Variants in ENTHD1 observed in about 807,000 individuals in gnomAD.
The protein encoded by ENTHD1 is ENTH domain containing 1.
In ENTHD1, 23 loss-of-function variants were observed where a neutral mutation model predicts 39.1. The ratio of observed to expected loss-of-function variants is 0.59; its 90% confidence interval spans 0.42 to 0.83. ENTHD1 has a LOEUF of 0.83. ENTHD1 is among the 40% of genes least tolerant of loss of function. The pLI is 0.00. For missense variants in ENTHD1, 624 were observed against 705.4 expected (o/e 0.88, Z 1.31); for synonymous variants, 230 against 258.2 (o/e 0.89, Z 1.05).
chr22:39,756,145 T>C (rs1325511503), intron 6 of ENTHD1, among the ~76,000 whole-genome samples: 1 of 152,204 alleles, frequency 6.6e-6, no homozygotes, highest in Non-Finnish European at 1.5e-5. Context: ...TAGGCAACTT[T>C]CAAATTGTGG....
intron 5 of ENTHD1, among the ~76,000 whole-genome samples, chr22:39,787,608 A>G (rs1400276284): frequency 6.6e-6 from 1 of 152,240 alleles, no homozygotes; most frequent in South Asian, 2.1e-4. Context: ...CAAATAGATC[A>G]AACCAGCCCC....
chr22:39,884,551 G>GA (rs200983153), intron 2 of ENTHD1, among the ~76,000 whole-genome samples: 9,241 of 132,754 alleles, frequency 0.07, 370 homozygotes, highest in South Asian at 0.15. Context: ...ACTCAGAATA[G>GA]AAAAAAAAAA....
At chr22:39,774,033 CAGAG>C (rs1208846386) in intron 5 of ENTHD1, among the ~76,000 whole-genome samples, 3 of 152,142 alleles carry the variant, frequency 2.0e-5, no homozygotes, top group African/African-American at 7.2e-5. Flanking sequence ...ACAGTGCACA[CAGAG>C]AGCAGAGGAG....
chr22:39,857,789 G>A (rs764567207), intron 3 of ENTHD1, among the ~76,000 whole-genome samples: 1 of 152,160 alleles, frequency 6.6e-6, no homozygotes, highest in Admixed American at 6.5e-5. Context: ...CTACTTAGTA[G>A]ACTAAGTATG....
At chr22:39,858,807 G>A (rs2066116549) in intron 3 of ENTHD1, among the ~76,000 whole-genome samples, 1 of 152,162 alleles carries the variant, frequency 6.6e-6, no homozygotes, top group African/African-American at 2.4e-5. Context: ...AATGGTAAAG[G>A]AGCAGTTGGC....
chr22:39,805,588 C>G (rs965643532), intron 5 of ENTHD1, among the ~76,000 whole-genome samples: 2 of 152,124 alleles, frequency 1.3e-5, no homozygotes, highest in African/African-American at 4.8e-5. Flanking sequence ...TAGCAGAAGT[C>G]AGTGTGAAGA....
chr22:39,834,532 C>T (rs559906606), intron 4 of ENTHD1, among the ~76,000 whole-genome samples: 1 of 152,208 alleles, frequency 6.6e-6, no homozygotes, highest in African/African-American at 2.4e-5. Flanking sequence ...ATGCATTGCT[C>T]ATGGGAATAT....
intron 5 of ENTHD1, among the ~76,000 whole-genome samples, chr22:39,815,527 A>C (rs2065726818): frequency 6.6e-6 from 1 of 152,160 alleles, no homozygotes; most frequent in South Asian, 2.1e-4. Context: ...AAAATTGGTG[A>C]GGACATGCAG....
rs778800311 is a variant in ENTHD1, at chr22:39,821,047, A to G, written c.778T>C (p.Ser260Pro). The G allele has an allele frequency of 1.2e-6, 2 of 1,613,996 alleles. No individual in the cohort carries two copies. The highest frequency in any genetic ancestry group is 1.7e-6 in the Non-Finnish European group (2 of 1,179,988). Residue 260 changes from serine to proline, a missense_variant, in exon 5 of 7, where the codon TCT (serine) becomes CCT (proline). Transcript: ENST00000325157. ...GCTTCTGACAAGCAAGTGATTGGAG[A>G]GACAATGGAAGGAGGTGTTGCTAGT... ...PLLATPPSIV[S>P]PITCLSEAEE...
intron 3 of ENTHD1, among the ~76,000 whole-genome samples, chr22:39,845,105 C>T (rs1372901898): frequency 6.6e-6 from 1 of 151,614 alleles, no homozygotes; most frequent in Admixed American, 6.6e-5. Context: ...CAGACTGCAG[C>T]CTGGTGGAGA....
chr22:39,746,203 C>T (rs549383573), intron 6 of ENTHD1, among the ~76,000 whole-genome samples: 2 of 152,200 alleles, frequency 1.3e-5, no homozygotes, highest in South Asian at 2.1e-4. Context: ...CCATTTTCCC[C>T]GCCTCCATCT....
chr22:39,781,946 CAA>C (rs1408266804), intron 5 of ENTHD1, among the ~76,000 whole-genome samples: 1 of 151,888 alleles, frequency 6.6e-6, no homozygotes, highest in Non-Finnish European at 1.5e-5. Context: ...TACAACCTAC[CAA>C]AATTGAACCA....
At chr22:39,861,718 T>A (rs779636174) in intron 3 of ENTHD1, 47 bp downstream of exon 3, 2 of 1,369,398 alleles carry the variant, frequency 1.5e-6, no homozygotes, top group South Asian at 4.5e-5. Context: ...TTTAAATCAT[T>A]TTTAATGATA....
rs1175031239 is a variant in ENTHD1, at chr22:39,887,827, T to C, written c.-79A>G. 2 of 1,032,154 alleles carry C rather than the reference T, an allele frequency of 1.9e-6. No individual in the cohort carries two copies. The highest frequency in any genetic ancestry group is 1.6e-5 in the African/African-American group (1 of 62,214). 63.9% of individuals were successfully genotyped at this position (1,032,154 alleles called of 1,614,324 possible). On this transcript the variant is annotated 5_prime_UTR_variant, in exon 2 of 7. Transcript: ENST00000325157. ...TTATGTCACGGGTTTATAAAACTCT[T>C]GACAGGTAATTGGTCCCCAGTTCTG...
rs182933842 is a variant in ENTHD1, at chr22:39,844,712, G to C, written c.593-8754C>G. On this transcript the variant is annotated intron_variant, in intron 3 of 6. Transcript: ENST00000325157. ...CCCCCAAAAGCAATACTGGTAAGATGACAAAAATCTTAGAGTTCTCATCAA... is the reference window on the plus strand; with the variant it reads ...CCCCCAAAAGCAATACTGGTAAGATCACAAAAATCTTAGAGTTCTCATCAA... 5.5e-3 allele frequency among the ~76,000 whole-genome samples: 830 copies of C among 152,152 alleles called. 8 individuals are homozygous for C. Among genetic ancestry groups the C allele is most frequent in the Middle Eastern group, 0.02 (6 of 294 alleles).
chr22:39,893,623 G>A (rs1379033602), intron 1 of ENTHD1, 72 bp downstream of exon 1: 2 of 152,374 alleles, frequency 1.3e-5, no homozygotes, highest in Non-Finnish European at 2.9e-5. Context: ...CAAGAAACGG[G>A]AGGAGGGAAG....
At chr22:39,820,623 A>G (rs2065775713) in intron 5 of ENTHD1, among the ~76,000 whole-genome samples, 1 of 152,186 alleles carries the variant, frequency 6.6e-6, no homozygotes, top group Non-Finnish European at 1.5e-5. Context: ...TGATTAACCA[A>G]TTTGTGGCTA....
intron 2 of ENTHD1, chr22:39,875,947 T>C: frequency 6.2e-7 from 1 of 1,613,964 alleles, no homozygotes; most frequent in Non-Finnish European, 8.5e-7. Context: ...TTTGCACTCA[T>C]CTTGGTTGTG....
chr22:39,744,591 A>G (rs1427495506), intron 6 of ENTHD1, among the ~76,000 whole-genome samples: 1 of 152,196 alleles, frequency 6.6e-6, no homozygotes, highest in Non-Finnish European at 1.5e-5. Context: ...TTAATCAGAG[A>G]GAGTAGAAAA....
Sources: allele counts gnomAD v4.1 joint callset (sites outside exome capture counted in the v4.1 genomes callset), GRCh38; gene constraint gnomAD v4.1.1; transcripts MANE v1.5; gene names NCBI Gene and HGNC (gene_info 2026-07-23, HGNC 2026-07-21).